Variants in ATP6V0E1 observed in about 807,000 individuals in gnomAD.
ATP6V0E1 encodes ATPase H+ transporting V0 subunit e1, also known as V-type proton ATPase subunit e 1.
A neutral mutation model predicts 11.6 loss-of-function variants in ATP6V0E1; 4 were observed. That is an observed-to-expected ratio of 0.35 (90% CI 0.17 to 0.79). ATP6V0E1 has a LOEUF of 0.79. ATP6V0E1 is among the 30% of genes least tolerant of loss of function. ATP6V0E1 has a pLI of 0.54. For synonymous variants in ATP6V0E1, 36 were observed against 34.8 expected, an observed-to-expected ratio of 1.04 and a Z score of -0.13; for missense variants, 105 against 100.0, an observed-to-expected ratio of 1.05 and a Z score of -0.21.
intron 3 of ATP6V0E1, among the ~76,000 whole-genome samples, chr5:173,027,171 T>C (rs1581637006): frequency 1.3e-5 from 1 of 79,226 alleles, no homozygotes; most frequent in Non-Finnish European, 2.2e-5. Flanking sequence ...ACAGCGAGAC[T>C]CCGTCTCAAA....
chr5:172,994,460 G>A lies in ATP6V0E1; in HGVS notation c.105-315G>A, dbSNP rs111678329. Among the ~76,000 whole-genome samples, 585 of 152,268 alleles carry A rather than the reference G, an allele frequency of 3.8e-3. 2 individuals are homozygous for A. The highest frequency in any genetic ancestry group is 0.013 in the African/African-American group (541 of 41,542). ...TCATTACAGAGAATACTACCAAATA[G>A]GGTAATTACTTAGTTGTCAAAACTA... On this transcript the variant is annotated intron_variant, in intron 1 of 3. Transcript: ENST00000519374.
intron 1 of ATP6V0E1, among the ~76,000 whole-genome samples, chr5:172,985,534 T>C (rs1244918626): frequency 6.6e-6 from 1 of 152,232 alleles, no homozygotes; most frequent in Non-Finnish European, 1.5e-5. Context: ...AGACTTGTTT[T>C]TCCTACTGGA....
At chr5:173,007,913 G>T (rs116478165) in intron 2 of ATP6V0E1, among the ~76,000 whole-genome samples, 1 of 152,302 alleles carries the variant, frequency 6.6e-6, no homozygotes, top group African/African-American at 2.4e-5. Flanking sequence ...CGAGCAGGAG[G>T]CCTTCAAGGC....
intron 2 of ATP6V0E1, among the ~76,000 whole-genome samples, chr5:173,011,175 C>CTTTTTTT (rs754605378): frequency 8.7e-6 from 1 of 114,698 alleles, no homozygotes; most frequent in African/African-American, 3.1e-5. Context: ...CCTGATTTAT[C>CTTTTTTT]TTTTTTTTTT....
In ATP6V0E1 at chr5:173,014,438, G is replaced by T. The variant is rs1756373852; in HGVS notation, c.153-5800G>T. ...ACTCTCGCATGTTGATCGCAGTGCT[G>T]TTCACAGTAGCAGAGACAGAGAATC... is the stretch of plus-strand genomic sequence containing the variant. On this transcript the variant is annotated intron_variant, in intron 2 of 3. Coordinates refer to ENST00000519374, the MANE Select transcript of ATP6V0E1 (RefSeq NM_003945.4). Among the ~76,000 whole-genome samples, 5 of 152,144 alleles carry T rather than the reference G, an allele frequency of 3.3e-5. No homozygotes were observed. The South Asian group carries it at 1.0e-3, about 31-fold the overall frequency.
At chr5:173,004,295 G>A (rs1038888652) in intron 2 of ATP6V0E1, among the ~76,000 whole-genome samples, 6 of 152,180 alleles carry the variant, frequency 3.9e-5, no homozygotes, top group African/African-American at 1.4e-4. Context: ...AAGGTTGGGT[G>A]AAAATTGTTA....
chr5:172,990,988 C>G (rs928352752), intron 1 of ATP6V0E1, among the ~76,000 whole-genome samples: 2 of 152,008 alleles, frequency 1.3e-5, no homozygotes, highest in East Asian at 3.9e-4. Flanking sequence ...AGTCTCCCTG[C>G]GTTGCCAAGG....
At position 173,034,593 on chromosome 5, in the gene ATP6V0E1, C is replaced by T; in HGVS notation, c.*231C>T. ...ACGTGCCTCCATAACCTGAACTGTG[C>T]CGACTCCACAAAACGATTATGTACT... On this transcript the variant is annotated 3_prime_UTR_variant, in exon 4 of 4. Transcript: ENST00000519374. 1 of 624,580 alleles carries T rather than the reference C, an allele frequency of 1.6e-6. No homozygotes were observed. The highest frequency in any genetic ancestry group is 2.9e-6 in the Non-Finnish European group (1 of 342,402). The allele number at this position is 624,580 out of a possible 1,614,324, so 38.7% of individuals were successfully genotyped here. A position where few individuals can be genotyped will look rare whatever the true frequency, so the allele number is the denominator to read the frequency against.
At chr5:172,995,252 C>T (rs377539162) in intron 2 of ATP6V0E1, among the ~76,000 whole-genome samples, 4 of 152,170 alleles carry the variant, frequency 2.6e-5, no homozygotes, top group South Asian at 2.1e-4. Flanking sequence ...TACAGGCACA[C>T]GCCGCCATGC....
intron 2 of ATP6V0E1, among the ~76,000 whole-genome samples, chr5:173,015,372 A>G (rs146219953): frequency 4.6e-4 from 70 of 152,308 alleles, no homozygotes; most frequent in Middle Eastern, 3.4e-3. Context: ...CCAAAGTGAC[A>G]TGTGTCTTTG....
intron 3 of ATP6V0E1, chr5:173,020,859 A>G (rs771101216): frequency 1.9e-6 from 1 of 520,008 alleles, no homozygotes; most frequent in African/African-American, 1.9e-5. Context: ...TGCAAGACAG[A>G]GCTGTGCTTC....
At chr5:173,003,430 TG>T (rs1756188082) in intron 2 of ATP6V0E1, among the ~76,000 whole-genome samples, 1 of 152,154 alleles carries the variant, frequency 6.6e-6, no homozygotes, top group South Asian at 2.1e-4. Flanking sequence ...ATAAGGAGTT[TG>T]GGTTTCATGT....
chr5:173,002,078 T>A (rs1327098032), intron 2 of ATP6V0E1, among the ~76,000 whole-genome samples: 3 of 152,172 alleles, frequency 2.0e-5, no homozygotes, highest in Admixed American at 2.0e-4. Context: ...TCAAAAATGA[T>A]CAACTCATGG....
At chr5:173,005,468 C>A (rs1191482163) in intron 2 of ATP6V0E1, among the ~76,000 whole-genome samples, 2 of 152,186 alleles carry the variant, frequency 1.3e-5, no homozygotes, top group African/African-American at 2.4e-5. Flanking sequence ...CCTGCCTTGG[C>A]CTCCCAAAGT....
chr5:173,021,549 G>A (rs372804677), intron 3 of ATP6V0E1, among the ~76,000 whole-genome samples: 2 of 151,994 alleles, frequency 1.3e-5, no homozygotes, highest in Non-Finnish European at 2.9e-5. Context: ...CCCACAACAC[G>A]TGGAAATTAT....
At chr5:172,987,268 A>C (rs1755910642) in intron 1 of ATP6V0E1, 3 of 152,024 alleles carry the variant, frequency 2.0e-5, no homozygotes, top group Admixed American at 1.4e-4. Context: ...AAACATCTGG[A>C]TTCCCTGCTA....
At position 172,987,837 on chromosome 5, in the gene ATP6V0E1, T is replaced by C. The variant is rs7700375; in HGVS notation, c.104+3873T>C. 8.0e-3 allele frequency among the ~76,000 whole-genome samples: 1,220 copies of C among 152,110 alleles called. 12 individuals are homozygous for C. Among genetic ancestry groups the C allele is most frequent in the African/African-American group, 0.028 (1,166 of 41,502 alleles). ...CAAGGGATCCGTCCACCTCAGCCTC[T>C]GCACTAGCTAGGACATAGGCGTGCA... is the stretch of plus-strand genomic sequence containing the variant. On this transcript the variant is annotated intron_variant, in intron 1 of 3. Transcript: ENST00000519374.
intron 2 of ATP6V0E1, among the ~76,000 whole-genome samples, chr5:173,012,841 T>C (rs754360420): frequency 6.6e-6 from 1 of 151,902 alleles, no homozygotes; most frequent in Non-Finnish European, 1.5e-5. Context: ...CTTCAGAGCA[T>C]TGGTCTAGGC....
intron 2 of ATP6V0E1, among the ~76,000 whole-genome samples, chr5:172,998,629 A>AT: frequency 6.9e-6 from 1 of 144,708 alleles, no homozygotes; most frequent in East Asian, 2.0e-4. Flanking sequence ...AAAAAAAAAA[A>AT]GAGTAAATGA....
Sources: gnomAD v4.1 joint callset for allele counts (sites outside exome capture counted in the v4.1 genomes callset) on GRCh38, gnomAD v4.1.1 for gene constraint, MANE v1.5 for transcripts, NCBI Gene and HGNC (gene_info 2026-07-23, HGNC 2026-07-21) for gene names.